Variants in DPYSL5 observed in about 807,000 individuals in gnomAD.
DPYSL5 encodes the protein dihydropyrimidinase-related protein 5.
A neutral mutation model predicts 58.4 loss-of-function variants in DPYSL5; 9 were observed. The observed-to-expected ratio is 0.15, with a 90% CI of 0.09 to 0.27. DPYSL5 has a LOEUF of 0.27. Among genes scored for constraint, DPYSL5 ranks in the 10% least tolerant of loss-of-function variants. DPYSL5 has a pLI of 1.00. For missense variants in DPYSL5, 499 were observed against 770.6 expected, an observed-to-expected ratio of 0.65 and a Z score of 4.17; for synonymous variants, 293 against 301.9, an observed-to-expected ratio of 0.97 and a Z score of 0.31.
intron 2 of DPYSL5, among the ~76,000 whole-genome samples, chr2:26,906,179 C>A (rs1194773455): frequency 2.0e-5 from 3 of 147,456 alleles, no homozygotes; most frequent in Non-Finnish European, 4.5e-5. Context: ...AAGAAAAAAA[C>A]CCATATCTTT....
chr2:26,880,545 G>GCATCCTCATCCCAGCTT (rs1481374438), intron 1 of DPYSL5, among the ~76,000 whole-genome samples: 3 of 152,198 alleles, frequency 2.0e-5, no homozygotes, highest in Non-Finnish European at 4.4e-5. Context: ...TCTCCAAGCT[G>GCATCCTCATCCCAGCTT]CATCCTCATC....
intron 2 of DPYSL5, among the ~76,000 whole-genome samples, chr2:26,920,229 A>G (rs942375438): frequency 1.1e-4 from 17 of 152,260 alleles, no homozygotes; most frequent in Non-Finnish European, 2.1e-4. Context: ...AAATGTTAAC[A>G]TCTGTTAAGT....
At chr2:26,894,325 C>T (rs780745984) in intron 1 of DPYSL5, among the ~76,000 whole-genome samples, 3 of 152,136 alleles carry the variant, frequency 2.0e-5, no homozygotes, top group Non-Finnish European at 4.4e-5. Context: ...ACCACTCCCA[C>T]GAGCTCTCAG....
chr2:26,945,124 G>A (rs1476826962), intron 12 of DPYSL5, among the ~76,000 whole-genome samples: 1 of 151,964 alleles, frequency 6.6e-6, no homozygotes, highest in Non-Finnish European at 1.5e-5. Flanking sequence ...CACACAGTGG[G>A]TGCTCCAGAG....
chr2:26,935,943 C>A (rs1435882533), intron 8 of DPYSL5, among the ~76,000 whole-genome samples: 1 of 152,180 alleles, frequency 6.6e-6, no homozygotes, highest in Non-Finnish European at 1.5e-5. Context: ...TGCCTGGCCA[C>A]CTTCTACAGT....
chr2:26,935,684 T>A (rs1185095586), intron 8 of DPYSL5, among the ~76,000 whole-genome samples: 1 of 84,418 alleles, frequency 1.2e-5, no homozygotes, highest in African/African-American at 4.5e-5. Context: ...AGAGCAAGAC[T>A]CCATCTCAAA....
At chr2:26,940,933 TATTA>T (rs1237510226) in intron 9 of DPYSL5, among the ~76,000 whole-genome samples, 1 of 105,806 alleles carries the variant, frequency 9.5e-6, no homozygotes, top group African/African-American at 3.6e-5. Context: ...TTATTATTAT[TATTA>T]TTTATTTTTT....
chr2:26,940,270 G>C, intron 9 of DPYSL5, 98 bp downstream of exon 9: 3 of 1,417,346 alleles, frequency 2.1e-6, no homozygotes, highest in Non-Finnish European at 2.8e-6. Context: ...CTCAGATCCT[G>C]TCAAAGAATG....
At position 26,924,771 on chromosome 2, in the gene DPYSL5, A is replaced by G. The variant is rs748267726; in HGVS notation, c.262-116A>G. ...AAACCTCGCTGCCCTTGGTCCTCACAGCCTCTTGTGAGGCAGGGCCTGTCT... is the reference window on the plus strand; with the variant it reads ...AAACCTCGCTGCCCTTGGTCCTCACGGCCTCTTGTGAGGCAGGGCCTGTCT... On this transcript the variant is annotated intron_variant, in intron 2 of 12. Transcript: ENST00000288699. This position sits in a 1 kb window ranked among gnomAD's most constrained non-coding sequence, Gnocchi z 4.7. 2.0e-5 allele frequency: 28 copies of G among 1,387,114 alleles called. No individual in the cohort carries two copies. The highest frequency in any genetic ancestry group is 3.0e-5 in the South Asian group (2 of 66,584). The allele number at this position is 1,387,114 out of a possible 1,614,324, so 85.9% of individuals were successfully genotyped here.
rs1490704997 is a variant in DPYSL5 at position 26,944,740 on chromosome 2, A to G, written c.1525A>G (p.Thr509Ala). Residue 509 changes from threonine to alanine, a missense_variant, in exon 12 of 13, where the codon ACC (threonine) becomes GCC (alanine). Thr to Ala is a moderately conservative substitution (Grantham distance 58, BLOSUM62 0). Transcript: ENST00000288699. This position sits in a 1 kb window ranked among gnomAD's most constrained non-coding sequence, Gnocchi z 4.4. ...VVHPGKKEMG[T>A]PLADTPTRPV... ...GCACCCTGGGAAAAAAGAGATGGGA[A>G]CCCCACTCGCAGACACTCCTACCCG... is the stretch of plus-strand genomic sequence containing the variant. 2.1e-5 allele frequency: 34 copies of G among 1,613,760 alleles called. No homozygotes were observed. Among genetic ancestry groups the G allele is most frequent in the Non-Finnish European group, 2.7e-5 (32 of 1,179,930 alleles).
chr2:26,947,300 T>G lies in DPYSL5; in HGVS notation c.*305T>G. 3.8e-6 allele frequency: 1 copy of G among 262,748 alleles called. No individual in the cohort carries two copies. The allele number at this position is 262,748 out of a possible 1,614,324, so 16.3% of individuals were successfully genotyped here. A position where few individuals can be genotyped will look rare whatever the true frequency, so the allele number is the denominator to read the frequency against. On this transcript the variant is annotated 3_prime_UTR_variant, in exon 13 of 13. Transcript: ENST00000288699. The surrounding 1 kb of genome is among the most constrained non-coding windows in gnomAD (Gnocchi z 4.2). ...CAATGCATAGAGCCCTGGCCAGCCC[T>G]TCCTCTCACTCCTGCCTCCGCTGGC...
intron 1 of DPYSL5, among the ~76,000 whole-genome samples, chr2:26,895,826 G>A (rs1319453866): frequency 6.9e-6 from 1 of 144,208 alleles, no homozygotes; most frequent in African/African-American, 2.6e-5. Flanking sequence ...TGTCGCCCAG[G>A]CTGAAGGGCA....
At position 26,898,663 on chromosome 2, in the gene DPYSL5, G is replaced by A. The variant is rs776793161; in HGVS notation, c.164G>A (p.Gly55Glu). The change falls in exon 2 of 13, where the codon GGA (glycine) becomes GAA (glutamate). Residue 55 changes from glycine (G) to glutamate (E), a missense_variant. Gly to Glu is a moderately conservative substitution (Grantham distance 98, BLOSUM62 -2). Around this residue, in one of 3 missense-constraint regions of DPYSL5, gnomAD observed 404 missense variants for 647.6 expected, o/e 0.62. Coordinates refer to ENST00000288699, the MANE Select transcript of DPYSL5 (RefSeq NM_020134.4). The surrounding 1 kb of genome is among the most constrained non-coding windows in gnomAD (Gnocchi z 6.1). Reference protein sequence around the residue: ...PGGAKVIDATGKLVIPGGIDT... With the variant: ...PGGAKVIDATEKLVIPGGIDT... ...GGGGCCAAGGTGATTGATGCCACAG[G>A]AAAACTGGTGATCCCTGGTGGCATC... 6.2e-7 allele frequency: 1 copy of A among 1,614,178 alleles called. No homozygotes were observed. Among genetic ancestry groups the A allele is most frequent in the Non-Finnish European group, 8.5e-7 (1 of 1,180,036 alleles).
At chr2:26,861,792 A>G (rs1572672331) in intron 1 of DPYSL5, among the ~76,000 whole-genome samples, 1 of 152,154 alleles carries the variant, frequency 6.6e-6, no homozygotes, top group Non-Finnish European at 1.5e-5. Context: ...GTAATCCTCT[A>G]TCTTTGAATG....
rs1044198907 is a variant in DPYSL5, at chr2:26,872,347, T to C, written c.-5+24093T>C. Among the ~76,000 whole-genome samples, 4 of 152,226 alleles carry C rather than the reference T, an allele frequency of 2.6e-5. No homozygotes were observed. In the South Asian group the frequency reaches 6.2e-4, roughly 24 times the overall value. ...TAGAGCACCAGATGTAAATTTATAA[T>C]TGGACTCTGTCATTCCACAGAACAC... On this transcript the variant is annotated intron_variant, in intron 1 of 12. Transcript: ENST00000288699.
At position 26,879,098 on chromosome 2, in the gene DPYSL5, G is replaced by A. The variant is rs568648014; in HGVS notation, c.-4-19398G>A. 3.3e-5 allele frequency among the ~76,000 whole-genome samples: 5 copies of A among 152,278 alleles called. No individual in the cohort carries two copies. In the East Asian group the frequency reaches 9.6e-4, roughly 29 times the overall value. On this transcript the variant is annotated intron_variant, in intron 1 of 12. Coordinates refer to ENST00000288699, the MANE Select transcript of DPYSL5 (RefSeq NM_020134.4). ...ATCTGGCACCCAGTACAGTAACCCT[G>A]CCTCCATGATCTGATTTGCATTTTA...
intron 1 of DPYSL5, among the ~76,000 whole-genome samples, chr2:26,863,595 G>A (rs1418070744): frequency 6.6e-6 from 1 of 152,180 alleles, no homozygotes; most frequent in African/African-American, 2.4e-5. Context: ...CATACTAAGT[G>A]TGCAATGCAA....
intron 1 of DPYSL5, among the ~76,000 whole-genome samples, chr2:26,860,258 G>A (rs1009641221): frequency 1.3e-5 from 2 of 152,154 alleles, no homozygotes; most frequent in African/African-American, 4.8e-5. Flanking sequence ...ATTGTCAAAT[G>A]GACACAGGCT....
At chr2:26,872,556 G>A (rs1219687035) in intron 1 of DPYSL5, among the ~76,000 whole-genome samples, 2 of 152,146 alleles carry the variant, frequency 1.3e-5, no homozygotes, top group Non-Finnish European at 2.9e-5. Flanking sequence ...TGGGTGTGGT[G>A]GTGCGTGCCT....
Sources: gnomAD v4.1 joint callset for allele counts (sites outside exome capture counted in the v4.1 genomes callset) on GRCh38, gnomAD v4.1.1 for gene constraint, gnomAD v4.1.1 regional missense constraint, Gnocchi (gnomAD v3.1) non-coding constraint, MANE v1.5 for transcripts, NCBI Gene and HGNC (gene_info 2026-07-23, HGNC 2026-07-21) for gene names.